LNX2: variants seen among roughly 807,000 people sequenced by gnomAD.
The protein encoded by LNX2 is ligand of numb-protein X 2.
Under a neutral mutation model 66.2 loss-of-function variants are expected in LNX2, and 35 were observed. The observed-to-expected ratio is 0.53, with a 90% CI of 0.40 to 0.70. LNX2 has a LOEUF of 0.70. Ranked by LOEUF, LNX2 falls within the 30% of genes least tolerant of loss-of-function variation. The pLI, the probability that LNX2 is intolerant of heterozygous loss-of-function variation, is 0.00. For synonymous variants in LNX2, 337 were observed against 315.6 expected, an observed-to-expected ratio of 1.07 and a Z score of -0.72; for missense variants, 791 against 850.8, an observed-to-expected ratio of 0.93 and a Z score of 0.87.
In LNX2 at chr13:27,567,839, G is replaced by A. The variant is rs765099031; in HGVS notation, c.656C>T (p.Thr219Ile). The change falls in exon 4 of 10, where the codon ACC becomes ATC. Residue 219 changes from threonine (T) to isoleucine (I), a missense_variant and splice_region_variant. Physicochemically the swap from Thr to Ile is moderately conservative, Grantham distance 89. Coordinates refer to ENST00000316334, the MANE Select transcript of LNX2 (RefSeq NM_153371.4). Reference sequence around the variant, plus strand: ...TGGTAAACTAAGTGGCTGTTGTGTGGCTGCCAAGTTAAAAATGAGACAGAC... The same window carrying A: ...TGGTAAACTAAGTGGCTGTTGTGTGACTGCCAAGTTAAAAATGAGACAGAC... ...PAFEESAGAD[T>I]TQQPLSLPEG... 5.0e-6 allele frequency: 8 copies of A among 1,613,222 alleles called. No individual in the cohort carries two copies. In the Admixed American group the frequency reaches 1.3e-4, roughly 27 times the overall value.
At chr13:27,600,527 T>G (rs576465113) in intron 1 of LNX2, among the ~76,000 whole-genome samples, 2 of 152,286 alleles carry the variant, frequency 1.3e-5, no homozygotes, top group African/African-American at 4.8e-5. Flanking sequence ...TAAGAAACAT[T>G]AATATATAAG....
chr13:27,602,353 T>A (rs1015953745), intron 1 of LNX2, among the ~76,000 whole-genome samples: 2 of 152,302 alleles, frequency 1.3e-5, no homozygotes, highest in Middle Eastern at 3.4e-3. Context: ...CGGGTTTTTT[T>A]ATGCCCTTCC....
rs1955225007 is a variant in LNX2 at position 27,567,798 on chromosome 13, T to C, written c.697A>G (p.Thr233Ala). ...GGATTGGACCGATGAATTTCAATCG[T>C]GGTGATTTCTCCTTCTGGTAAACTA... is the stretch of plus-strand genomic sequence containing the variant. ...PLSLPEGEIT[T>A]IEIHRSNPYI... is the part of the protein sequence containing the mutation. The change falls in exon 4 of 10, where the codon ACG (threonine) becomes GCG (alanine). Residue 233 changes from threonine (T) to alanine (A), a missense_variant. By Grantham distance (58) the Thr-to-Ala change is moderately conservative. Coordinates refer to ENST00000316334, the MANE Select transcript of LNX2 (RefSeq NM_153371.4). 1 of 1,614,094 alleles carries C rather than the reference T, an allele frequency of 6.2e-7. No individual in the cohort carries two copies.
intron 6 of LNX2, among the ~76,000 whole-genome samples, chr13:27,558,638 T>C (rs186315493): frequency 1.3e-4 from 20 of 152,242 alleles, no homozygotes; most frequent in African/African-American, 4.3e-4. Flanking sequence ...ACTAGCTATA[T>C]GAAACAACAC....
At chr13:27,583,045 A>G (rs1384023513) in intron 1 of LNX2, among the ~76,000 whole-genome samples, 1 of 152,060 alleles carries the variant, frequency 6.6e-6, no homozygotes, top group Non-Finnish European at 1.5e-5. Flanking sequence ...GTACAATACT[A>G]TTTTATTCCA....
chr13:27,602,109 T>C (rs548390424), intron 1 of LNX2, among the ~76,000 whole-genome samples: 56 of 152,056 alleles, frequency 3.7e-4, no homozygotes, highest in African/African-American at 1.3e-3. Context: ...AGGTGGAATT[T>C]AAATACAAAA....
At chr13:27,598,789 T>C (rs1305543187) in intron 1 of LNX2, among the ~76,000 whole-genome samples, 4 of 152,102 alleles carry the variant, frequency 2.6e-5, no homozygotes, top group South Asian at 4.1e-4. Flanking sequence ...AACCAAAATA[T>C]ATACATACCT....
intron 7 of LNX2, among the ~76,000 whole-genome samples, chr13:27,554,411 C>G (rs1399824522): frequency 1.3e-5 from 2 of 152,126 alleles, no homozygotes; most frequent in Non-Finnish European, 2.9e-5. Context: ...TTCCCTTCCC[C>G]AACCCTAAGC....
At chr13:27,560,504 C>T (rs970863509) in intron 5 of LNX2, among the ~76,000 whole-genome samples, 4 of 147,928 alleles carry the variant, frequency 2.7e-5, no homozygotes, top group Middle Eastern at 6.6e-3. Flanking sequence ...ATATCGGCTT[C>T]AACATTCTTG....
chr13:27,568,894 C>T (rs2138360106), intron 3 of LNX2, 135 bp downstream of exon 3: 11 of 903,882 alleles, frequency 1.2e-5, no homozygotes, highest in Non-Finnish European at 1.7e-5. Flanking sequence ...AATTATATCT[C>T]AATGAAGTTT....
At chr13:27,616,526 C>T (rs1384054867) in intron 1 of LNX2, among the ~76,000 whole-genome samples, 3 of 152,124 alleles carry the variant, frequency 2.0e-5, no homozygotes, top group Non-Finnish European at 4.4e-5. Context: ...AGGAGGAAGT[C>T]CATTCAGATG....
intron 2 of LNX2, among the ~76,000 whole-genome samples, chr13:27,577,790 A>C (rs1955355198): frequency 6.6e-6 from 1 of 152,234 alleles, no homozygotes; most frequent in Non-Finnish European, 1.5e-5. Flanking sequence ...TAAAAACAAC[A>C]ACAACAACTA....
chr13:27,579,836 A>T (rs1400918785), intron 2 of LNX2, among the ~76,000 whole-genome samples: 1 of 152,182 alleles, frequency 6.6e-6, no homozygotes, highest in East Asian at 1.9e-4. Context: ...TATATTCAAA[A>T]GACCAGTGTC....
chr13:27,608,626 G>A (rs537370713), intron 1 of LNX2, among the ~76,000 whole-genome samples: 1 of 152,178 alleles, frequency 6.6e-6, no homozygotes, highest in East Asian at 1.9e-4. Context: ...TCAAACAGAT[G>A]TGCTGCTTAA....
intron 1 of LNX2, among the ~76,000 whole-genome samples, chr13:27,591,480 C>T (rs1331798947): frequency 1.3e-5 from 2 of 152,180 alleles, no homozygotes; most frequent in African/African-American, 2.4e-5. Flanking sequence ...TGTTAAGTTG[C>T]TATTACCTGC....
chr13:27,560,012 T>C (rs200395978), intron 5 of LNX2, 27 bp from the exon 6 acceptor site: 15 of 1,544,858 alleles, frequency 9.7e-6, no homozygotes, highest in Non-Finnish European at 1.1e-5. Flanking sequence ...TACATTACCA[T>C]AAGTGACTAA....
At chr13:27,552,297 A>G (rs1566114209) in intron 8 of LNX2, among the ~76,000 whole-genome samples, 1 of 152,218 alleles carries the variant, frequency 6.6e-6, no homozygotes, top group African/African-American at 2.4e-5. Flanking sequence ...GAGGTCTGCA[A>G]CGTGCTGCCC....
chr13:27,582,733 G>A (rs535420061), intron 1 of LNX2, among the ~76,000 whole-genome samples: 1 of 152,226 alleles, frequency 6.6e-6, no homozygotes, highest in East Asian at 1.9e-4. Flanking sequence ...ACACACCAGG[G>A]CCTGTCAGGG....
intron 1 of LNX2, among the ~76,000 whole-genome samples, chr13:27,583,255 T>TGTGTGTGCGCGCGC (rs1555268514): frequency 1.7e-5 from 1 of 58,530 alleles, no homozygotes; most frequent in Non-Finnish European, 3.2e-5. Context: ...TGTGTGTGTG[T>TGTGTGTGCGCGCGC]GCGCGCGTCC....
Sources: allele counts gnomAD v4.1 joint callset (sites outside exome capture counted in the v4.1 genomes callset), GRCh38; gene constraint gnomAD v4.1.1; transcripts MANE v1.5; gene names NCBI Gene and HGNC (gene_info 2026-07-23, HGNC 2026-07-21).